Variants in CDKL3 observed in about 807,000 individuals in gnomAD.
CDKL3 encodes cyclin dependent kinase like 3, also known as cyclin-dependent kinase-like 3.
A neutral mutation model predicts 69.3 loss-of-function variants in CDKL3; 65 were observed. The observed-to-expected ratio is 0.94, with a 90% CI of 0.77 to 1.15. CDKL3 has a LOEUF of 1.15. Among genes scored for constraint, CDKL3 ranks in the 50% most tolerant of loss-of-function variants. The pLI, the probability that CDKL3 is intolerant of heterozygous loss-of-function variation, is 0.00. For synonymous variants in CDKL3, 202 were observed against 221.6 expected, an observed-to-expected ratio of 0.91 and a Z score of 0.79; for missense variants, 652 against 689.2, an observed-to-expected ratio of 0.95 and a Z score of 0.61.
chr5:134,319,615 A>G (rs1238670545), intron 5 of CDKL3, 118 bp from the exon 6 acceptor site: 1 of 922,104 alleles, frequency 1.1e-6, no homozygotes, highest in Non-Finnish European at 1.6e-6. Flanking sequence ...AAGAATGTGA[A>G]TTATGTATTT....
At chr5:134,295,003 T>G (rs1425913597), downstream of CDKL3, among the ~76,000 whole-genome samples, 1 of 148,336 alleles carries the variant, frequency 6.7e-6, no homozygotes, top group Non-Finnish European at 1.5e-5. Context: ...AAGACTTGAT[T>G]TTTTTTTCTT....
intron 4 of CDKL3, among the ~76,000 whole-genome samples, chr5:134,337,938 A>G (rs1466352519): frequency 6.6e-6 from 1 of 152,198 alleles, no homozygotes; most frequent in Non-Finnish European, 1.5e-5. Flanking sequence ...TGCAAAAAAA[A>G]GTTAAAGCCA....
intron 4 of CDKL3, among the ~76,000 whole-genome samples, chr5:134,327,314 G>C (rs1171015721): frequency 6.6e-6 from 1 of 152,106 alleles, no homozygotes; most frequent in African/African-American, 2.4e-5. Flanking sequence ...GGGACCTCAG[G>C]TTGCTGCTCT....
In CDKL3 at chr5:134,325,951, T is replaced by C. The variant is rs2869463; in HGVS notation, c.540-4048A>G. Among the ~76,000 whole-genome samples, 5 of 71,462 alleles carry C rather than the reference T, an allele frequency of 7.0e-5. No homozygotes were observed. The South Asian group carries it at 2.0e-3, about 29-fold the overall frequency. The allele number at this position is 71,462 out of a possible 152,430, so 46.9% of individuals were successfully genotyped here. A position where few individuals can be genotyped will look rare whatever the true frequency, so the allele number is the denominator to read the frequency against. On this transcript the variant is annotated intron_variant, in intron 4 of 12. Coordinates refer to ENST00000265334, the MANE Select transcript of CDKL3 (RefSeq NM_001113575.2). The stretch of plus-strand genomic sequence containing the variant: ...GCTTTTTTTTTTTTTTTTTTTTTTG[T>C]ATTTTTAGCAGAGACGGGGTTTCAC...
chr5:134,347,500 G>A (rs944371428), intron 4 of CDKL3, among the ~76,000 whole-genome samples: 1 of 151,878 alleles, frequency 6.6e-6, no homozygotes, highest in Non-Finnish European at 1.5e-5. Flanking sequence ...AAATAACCCA[G>A]ATGTCCATCA....
At chr5:134,366,311 T>C (rs1429281107) in intron 2 of CDKL3, 48 bp downstream of exon 2, 3 of 1,372,002 alleles carry the variant, frequency 2.2e-6, no homozygotes, top group Non-Finnish European at 3.0e-6. Context: ...TTTTATTCCA[T>C]AACAATTTTT....
intron 11 of CDKL3, among the ~76,000 whole-genome samples, chr5:134,303,069 T>C (rs1766739921): frequency 6.6e-6 from 1 of 152,118 alleles, no homozygotes; most frequent in Admixed American, 6.6e-5. Context: ...GTGCGTTTCA[T>C]TCTGATATAA....
intron 3 of CDKL3, among the ~76,000 whole-genome samples, chr5:134,355,367 C>T (rs772543942): frequency 1.3e-5 from 2 of 151,390 alleles, no homozygotes; most frequent in African/African-American, 4.9e-5. Flanking sequence ...AGGAAAGGAA[C>T]ATAGCATTAT....
intron 4 of CDKL3, among the ~76,000 whole-genome samples, chr5:134,347,697 T>TAAAAAAAA (rs1175296441): frequency 2.8e-3 from 146 of 52,608 alleles, no homozygotes; most frequent in Middle Eastern, 0.01. Context: ...CCATCTCTGC[T>TAAAAAAAA]AAAAAAAAAA....
rs201450263 is a variant in CDKL3 at position 134,302,548 on chromosome 5, A to G, written c.1719+42T>C. On this transcript the variant is annotated intron_variant, in intron 12 of 12. Coordinates refer to ENST00000265334, the MANE Select transcript of CDKL3 (RefSeq NM_001113575.2). ...ATTTATACACTGAGTCAAGTCCTCT[A>G]AACAACATGCCTTAGTAAAAGCTAT... is the stretch of plus-strand genomic sequence containing the variant. 256 of 1,043,472 alleles carry G rather than the reference A, an allele frequency of 2.5e-4. No homozygotes were observed. In the African/African-American group the frequency reaches 2.5e-3, roughly 10 times the overall value. The allele number at this position is 1,043,472 out of a possible 1,614,324, so 64.6% of individuals were successfully genotyped here. A position where few individuals can be genotyped will look rare whatever the true frequency, so the allele number is the denominator to read the frequency against.
At chr5:134,365,083 C>T (rs1757090281) in intron 2 of CDKL3, among the ~76,000 whole-genome samples, 1 of 151,366 alleles carries the variant, frequency 6.6e-6, no homozygotes, top group Non-Finnish European at 1.5e-5. Context: ...CCCGGGTTCA[C>T]GCCATTCTCC....
At chr5:134,299,666 G>A in intron 12 of CDKL3, 1 of 1,526,746 alleles carries the variant, frequency 6.5e-7, no homozygotes, top group Non-Finnish European at 8.8e-7. Flanking sequence ...AGTGATTCTG[G>A]GATTCCCTGA....
At chr5:134,331,923 A>C (rs1465937740) in intron 4 of CDKL3, among the ~76,000 whole-genome samples, 2 of 152,236 alleles carry the variant, frequency 1.3e-5, no homozygotes, top group African/African-American at 2.4e-5. Context: ...CCAGTGTAAA[A>C]GTGTCCCTAT....
At chr5:134,283,541 A>C (rs1764723367), downstream of CDKL3, among the ~76,000 whole-genome samples, 1 of 113,052 alleles carries the variant, frequency 8.8e-6, no homozygotes, top group South Asian at 2.7e-4. Flanking sequence ...AACAGCATGG[A>C]AAAAACCTGC....
chr5:134,328,006 A>C (rs1774833610), intron 4 of CDKL3, among the ~76,000 whole-genome samples: 1 of 152,154 alleles, frequency 6.6e-6, no homozygotes, highest in Non-Finnish European at 1.5e-5. Context: ...CCATGATACA[A>C]ACAAGCAAAT....
chr5:134,351,026 T>C (rs191572100), intron 3 of CDKL3, among the ~76,000 whole-genome samples: 1 of 152,324 alleles, frequency 6.6e-6, no homozygotes, highest in Non-Finnish European at 1.5e-5. Flanking sequence ...TAACCTTCTC[T>C]TTTGTTCCTA....
At chr5:134,313,444 G>A (rs577787404) in intron 6 of CDKL3, among the ~76,000 whole-genome samples, 42 of 151,942 alleles carry the variant, frequency 2.8e-4, no homozygotes, top group African/African-American at 9.7e-4. Context: ...TCCTTCCATC[G>A]CAACAACAAT....
intron 2 of CDKL3, among the ~76,000 whole-genome samples, chr5:134,364,335 A>C (rs1756839723): frequency 6.6e-6 from 1 of 152,088 alleles, no homozygotes. Context: ...CTAAAAGCCT[A>C]CTGGTAATCT....
chr5:134,296,782 T>TACACAC (rs36097045), downstream of CDKL3, among the ~76,000 whole-genome samples: 7,036 of 141,500 alleles, frequency 0.05, 217 homozygotes, highest in African/African-American at 0.086. Flanking sequence ...ACCCTGTCTC[T>TACACAC]ACACACACAC....
Sources: gnomAD v4.1 joint callset for allele counts (sites outside exome capture counted in the v4.1 genomes callset) on GRCh38, gnomAD v4.1.1 for gene constraint, MANE v1.5 for transcripts, NCBI Gene and HGNC (gene_info 2026-07-23, HGNC 2026-07-21) for gene names.